The following GUCY1A2 variants were observed in gnomAD, a reference collection of about 807,000 sequenced individuals.
GUCY1A2 encodes guanylate cyclase 1 soluble subunit alpha 2, also known as guanylate cyclase soluble subunit alpha-2.
A neutral mutation model predicts 63.5 loss-of-function variants in GUCY1A2; 27 were observed. That is an observed-to-expected ratio of 0.43 (90% CI 0.31 to 0.59). The LOEUF (loss-of-function observed/expected upper bound fraction) is 0.59. Ranked by LOEUF, GUCY1A2 falls within the 20% of genes least tolerant of loss-of-function variation. The pLI is 0.11. For missense variants in GUCY1A2, 768 were observed against 913.3 expected (o/e 0.84, Z 2.05); for synonymous variants, 364 against 343.5 (o/e 1.06, Z -0.66).
intron 1 of GUCY1A2, among the ~76,000 whole-genome samples, chr11:107,000,170 A>G (rs1298620416): frequency 6.6e-6 from 1 of 152,240 alleles, no homozygotes; most frequent in East Asian, 1.9e-4. Context: ...AAAGGGGAAG[A>G]TTGGTTTTCT....
intron 4 of GUCY1A2, among the ~76,000 whole-genome samples, chr11:106,844,418 C>T (rs577944877): frequency 2.0e-5 from 3 of 151,798 alleles, no homozygotes; most frequent in African/African-American, 7.2e-5. Flanking sequence ...TAGTATGGAT[C>T]ATCAATATTT....
chr11:106,989,938 T>TC (rs1861450094), intron 1 of GUCY1A2, among the ~76,000 whole-genome samples: 1 of 152,168 alleles, frequency 6.6e-6, no homozygotes, highest in African/African-American at 2.4e-5. Flanking sequence ...ACCATGAACT[T>TC]CCTTCCTTGT....
chr11:106,762,506 T>C (rs770047001), intron 6 of GUCY1A2, among the ~76,000 whole-genome samples: 1 of 152,036 alleles, frequency 6.6e-6, no homozygotes, highest in Non-Finnish European at 1.5e-5. Context: ...GTTCAAGACA[T>C]TTGCACCCCA....
At chr11:106,827,485 G>C in intron 4 of GUCY1A2, 3 of 1,467,778 alleles carry the variant, frequency 2.0e-6, no homozygotes, top group Admixed American at 1.7e-5. Context: ...AAATTCCTGA[G>C]CACTGTCTGT....
rs1862355614 is a variant in GUCY1A2, at chr11:106,676,895, C to G, written c.*10654G>C. On this transcript the variant is annotated 3_prime_UTR_variant, in exon 8 of 8. Coordinates refer to ENST00000526355, the MANE Select transcript of GUCY1A2 (RefSeq NM_000855.3). ...TCCAAACAGATTGACCCTGATACTTCTTGAAAAAGTGTTTAAATTCAATGA... is the reference window on the plus strand; with the variant it reads ...TCCAAACAGATTGACCCTGATACTTGTTGAAAAAGTGTTTAAATTCAATGA... The G allele has an allele frequency of 4.9e-6, 1 of 204,972 alleles. No individual in the cohort carries two copies. Among genetic ancestry groups the G allele is most frequent in the Non-Finnish European group, 1.0e-5 (1 of 100,052 alleles). 12.7% of individuals were successfully genotyped at this position (204,972 alleles called of 1,614,324 possible).
At chr11:106,875,206 T>C (rs368860690) in intron 4 of GUCY1A2, among the ~76,000 whole-genome samples, 22 of 152,148 alleles carry the variant, frequency 1.4e-4, no homozygotes, top group East Asian at 7.8e-4. Context: ...TACCAGGAGG[T>C]AGCAAGGAAA....
At chr11:106,714,024 T>TA (rs778566490) in intron 6 of GUCY1A2, among the ~76,000 whole-genome samples, 14,232 of 143,014 alleles carry the variant, frequency 0.1, 783 homozygotes, top group African/African-American at 0.12. Context: ...TTCTTTCTGT[T>TA]AAAAAAAAAA....
At chr11:106,809,610 T>C (rs1858736881) in intron 5 of GUCY1A2, among the ~76,000 whole-genome samples, 1 of 152,180 alleles carries the variant, frequency 6.6e-6, no homozygotes, top group Non-Finnish European at 1.5e-5. Context: ...TTAATATAAC[T>C]TGCTATTTGT....
chr11:106,809,017 C>G (rs1273820880), intron 5 of GUCY1A2, among the ~76,000 whole-genome samples: 1 of 152,062 alleles, frequency 6.6e-6, no homozygotes, highest in African/African-American at 2.4e-5. Context: ...GCTACATAGT[C>G]TACATAATGA....
At chr11:106,724,105 A>C (rs1461567949) in intron 6 of GUCY1A2, among the ~76,000 whole-genome samples, 2 of 152,226 alleles carry the variant, frequency 1.3e-5, no homozygotes, top group Non-Finnish European at 2.9e-5. Flanking sequence ...GAGTGTATCC[A>C]AGCCATGGCA....
At chr11:106,846,956 AAG>A (rs1859281559) in intron 4 of GUCY1A2, among the ~76,000 whole-genome samples, 2 of 151,422 alleles carry the variant, frequency 1.3e-5, no homozygotes, top group Admixed American at 1.3e-4. Flanking sequence ...AGGGACCAAA[AAG>A]AGGCCAATTT....
rs1863190512 is a variant in GUCY1A2, at chr11:106,715,014, T to C, written c.1837-6348A>G. On this transcript the variant is annotated intron_variant, in intron 6 of 7. Transcript: ENST00000526355. ...GGAAAAAAAATATTTGTCCTAGGGA[T>C]TTATTGAAAAACACAAAAACTTAAG... 2.0e-5 allele frequency among the ~76,000 whole-genome samples: 3 copies of C among 152,216 alleles called. No individual in the cohort carries two copies. The South Asian group carries it at 6.2e-4, about 31-fold the overall frequency.
chr11:106,784,351 C>G (rs1461048007), intron 5 of GUCY1A2, among the ~76,000 whole-genome samples: 2 of 152,018 alleles, frequency 1.3e-5, no homozygotes, highest in Non-Finnish European at 2.9e-5. Flanking sequence ...GGATGCTCAC[C>G]AAGACTAGTG....
rs572696258 is a variant in GUCY1A2, at chr11:106,910,149, C to G, written c.1206+29311G>C. On this transcript the variant is annotated intron_variant, in intron 4 of 7. Transcript: ENST00000526355. ...CATCAATAAATTTATAATTAAGTTA[C>G]AGTATATCCTTATGACAAAAATCTG... Among the ~76,000 whole-genome samples, 11 of 151,992 alleles carry G rather than the reference C, an allele frequency of 7.2e-5. 1 individual carries two copies. The South Asian group carries it at 2.3e-3, about 32-fold the overall frequency.
At chr11:106,850,941 T>C (rs1859345226) in intron 4 of GUCY1A2, among the ~76,000 whole-genome samples, 1 of 151,954 alleles carries the variant, frequency 6.6e-6, no homozygotes, top group African/African-American at 2.4e-5. Flanking sequence ...ATGGCTGTAC[T>C]AATTTACATC....
At chr11:106,700,906 T>C (rs937980440) in intron 7 of GUCY1A2, among the ~76,000 whole-genome samples, 15 of 152,104 alleles carry the variant, frequency 9.9e-5, no homozygotes, top group African/African-American at 3.6e-4. Context: ...TAAATATTTA[T>C]AACATAGTAT....
intron 4 of GUCY1A2, among the ~76,000 whole-genome samples, chr11:106,887,513 T>G (rs1277351689): frequency 3.9e-5 from 6 of 152,332 alleles, no homozygotes. Context: ...AGTAACTTCT[T>G]GCACTGTTCG....
At chr11:106,978,296 A>T (rs1234189541) in intron 3 of GUCY1A2, among the ~76,000 whole-genome samples, 6 of 152,172 alleles carry the variant, frequency 3.9e-5, no homozygotes. Context: ...GGAAAAAAAG[A>T]TCCTACAACT....
chr11:106,779,818 T>C (rs1332119179), intron 5 of GUCY1A2, among the ~76,000 whole-genome samples: 10 of 152,160 alleles, frequency 6.6e-5, no homozygotes, highest in Admixed American at 4.6e-4. Flanking sequence ...CATAAATGAA[T>C]GAAGTAGAAA....
Sources: allele counts gnomAD v4.1 joint callset (sites outside exome capture counted in the v4.1 genomes callset), GRCh38; gene constraint gnomAD v4.1.1; transcripts MANE v1.5; gene names NCBI Gene and HGNC (gene_info 2026-07-23, HGNC 2026-07-21).